TCF12: variants seen among roughly 807,000 people sequenced by gnomAD.
TCF12 encodes the protein DNA-binding protein HTF4.
In TCF12, 45 loss-of-function variants were observed where a neutral mutation model predicts 86.0. The observed-to-expected ratio is 0.52, with a 90% CI of 0.41 to 0.67. The LOEUF is 0.67. Among genes scored for constraint, TCF12 ranks in the 30% least tolerant of loss-of-function variants. TCF12 has a pLI of 0.00. For synonymous variants in TCF12, 330 were observed against 299.6 expected, an observed-to-expected ratio of 1.10 and a Z score of -1.05; for missense variants, 881 against 859.9, an observed-to-expected ratio of 1.02 and a Z score of -0.31.
chr15:57,179,134 T>C lies in TCF12; in HGVS notation c.390+12668T>C, dbSNP rs546969853. The stretch of plus-strand genomic sequence containing the variant: ...TTAGGAAACTGAAACTACTAGATTG[T>C]CACGTTTTAGCACTGTAATATTACA... On this transcript the variant is annotated intron_variant, in intron 6 of 20. Transcript: ENST00000333725. Among the ~76,000 whole-genome samples the C allele has an allele frequency of 3.3e-5, 5 of 152,302 alleles. 1 individual carries two copies. The South Asian group carries it at 1.0e-3, about 32-fold the overall frequency.
chr15:57,164,684 TTTTG>T (rs2054743600), intron 5 of TCF12, among the ~76,000 whole-genome samples: 1 of 152,086 alleles, frequency 6.6e-6, no homozygotes, highest in Admixed American at 6.5e-5. Context: ...TTTTTTTCTT[TTTTG>T]TTTTTTGTTT....
At chr15:57,235,672 C>T (rs1406912468) in intron 12 of TCF12, among the ~76,000 whole-genome samples, 2 of 152,198 alleles carry the variant, frequency 1.3e-5, no homozygotes, top group Non-Finnish European at 2.9e-5. Flanking sequence ...TATTCCTTCT[C>T]CTGATTCTGG....
intron 3 of TCF12, among the ~76,000 whole-genome samples, chr15:57,045,519 A>T (rs1482634629): frequency 6.6e-6 from 1 of 150,994 alleles, no homozygotes; most frequent in Non-Finnish European, 1.5e-5. Flanking sequence ...CATGTTGAGG[A>T]TTTTTTTTTA....
intron 3 of TCF12, among the ~76,000 whole-genome samples, chr15:57,055,417 A>G (rs1481480085): frequency 6.6e-6 from 1 of 152,006 alleles, no homozygotes; most frequent in Admixed American, 6.6e-5. Context: ...TAATAATAAT[A>G]ATGATTATCC....
intron 7 of TCF12, among the ~76,000 whole-genome samples, chr15:57,194,274 CT>C (rs2057135639): frequency 1.3e-5 from 2 of 152,118 alleles, no homozygotes; most frequent in African/African-American, 4.8e-5. Context: ...AGGGGCATTG[CT>C]GTACACACTA....
chr15:57,091,924 C>A, intron 5 of TCF12, 33 bp downstream of exon 5: 1 of 1,562,262 alleles, frequency 6.4e-7, no homozygotes, highest in South Asian at 1.1e-5. Context: ...GTAGTCTTCT[C>A]AAAGCTTCTT....
intron 6 of TCF12, among the ~76,000 whole-genome samples, chr15:57,180,478 A>C (rs527578367): frequency 2.2e-3 from 332 of 152,334 alleles, no homozygotes; most frequent in Non-Finnish European, 4.1e-3. Flanking sequence ...CTGCGAAATC[A>C]TAACAGTTTA....
intron 4 of TCF12, among the ~76,000 whole-genome samples, chr15:57,065,642 C>A (rs1274708245): frequency 2.7e-5 from 4 of 149,462 alleles, no homozygotes; most frequent in African/African-American, 9.9e-5. Flanking sequence ...CCACCACCCC[C>A]CTTGAGTGCT....
chr15:57,007,441 A>G (rs1331230704), intron 3 of TCF12, among the ~76,000 whole-genome samples: 1 of 152,206 alleles, frequency 6.6e-6, no homozygotes, highest in Non-Finnish European at 1.5e-5. Context: ...AGATAAAATG[A>G]AGAATTTGTT....
chr15:56,989,940 G>A (rs918779385), intron 3 of TCF12, among the ~76,000 whole-genome samples: 3 of 151,876 alleles, frequency 2.0e-5, no homozygotes, highest in Non-Finnish European at 2.9e-5. Context: ...CTTCAGAGAC[G>A]GACTTAAACA....
intron 3 of TCF12, among the ~76,000 whole-genome samples, chr15:56,972,629 TA>T (rs2062396961): frequency 6.6e-6 from 1 of 152,074 alleles, no homozygotes; most frequent in Non-Finnish European, 1.5e-5. Context: ...CAGACACAGT[TA>T]GTAGGTTTAG....
chr15:57,090,803 T>A (rs1483958671), intron 4 of TCF12, among the ~76,000 whole-genome samples: 1 of 152,226 alleles, frequency 6.6e-6, no homozygotes, highest in Admixed American at 6.5e-5. Context: ...ATGTTGGTTT[T>A]AGATTGGCAG....
At chr15:56,926,119 C>G (rs2060001628) in intron 3 of TCF12, among the ~76,000 whole-genome samples, 1 of 152,036 alleles carries the variant, frequency 6.6e-6, no homozygotes, top group Non-Finnish European at 1.5e-5. Flanking sequence ...GGAGACCAGC[C>G]TGGCCAACGT....
intron 3 of TCF12, among the ~76,000 whole-genome samples, chr15:57,061,049 C>G (rs1344991385): frequency 6.6e-6 from 1 of 152,170 alleles, no homozygotes; most frequent in Non-Finnish European, 1.5e-5. Flanking sequence ...CTATAGCATT[C>G]TTTGAGCCCC....
Position 57,043,972 on chromosome 15 carries a change from A to C in TCF12, c.149-19778A>C, listed in dbSNP as rs191877404. 1.0e-3 allele frequency among the ~76,000 whole-genome samples: 158 copies of C among 152,226 alleles called. 1 individual carries two copies. The highest frequency in any genetic ancestry group is 1.8e-3 in the Non-Finnish European group (123 of 68,018). On this transcript the variant is annotated intron_variant, in intron 3 of 20. Coordinates refer to ENST00000333725, the MANE Select transcript of TCF12 (RefSeq NM_207037.2). ...TTTTTTTATCTTGCTTTTTTACCGA[A>C]AACTATGATGGAAAGAAAGTTTTAA...
chr15:57,180,806 A>ATTTTTTTTTTTTTTTT (rs34557385), intron 6 of TCF12, among the ~76,000 whole-genome samples: 5 of 82,128 alleles, frequency 6.1e-5, no homozygotes, highest in African/African-American at 1.0e-4. Flanking sequence ...GATGCTAATA[A>ATTTTTTTTTTTTTTTT]TTTTTTTTTT....
intron 3 of TCF12, among the ~76,000 whole-genome samples, chr15:56,969,535 ATTT>A (rs67565542): frequency 7.7e-6 from 1 of 130,022 alleles, no homozygotes; most frequent in African/African-American, 3.0e-5. Context: ...CCAGTTGGAG[ATTT>A]TTTTTTTTTT....
At chr15:57,060,781 G>A (rs1279729759) in intron 3 of TCF12, among the ~76,000 whole-genome samples, 1 of 152,150 alleles carries the variant, frequency 6.6e-6, no homozygotes, top group Non-Finnish European at 1.5e-5. Context: ...TATAATATCT[G>A]TGTTAAGTTT....
chr15:57,056,837 C>G (rs561732194), intron 3 of TCF12, among the ~76,000 whole-genome samples: 1 of 143,774 alleles, frequency 7.0e-6, no homozygotes, highest in East Asian at 2.0e-4. Context: ...AAGCATGTAT[C>G]TTTCACTTTA....
Sources: gnomAD v4.1 joint callset for allele counts (sites outside exome capture counted in the v4.1 genomes callset) on GRCh38, gnomAD v4.1.1 for gene constraint, MANE v1.5 for transcripts, NCBI Gene and HGNC (gene_info 2026-07-23, HGNC 2026-07-21) for gene names.